Variants in MGAT5 observed in about 807,000 individuals in gnomAD.
MGAT5 encodes alpha-1,6-mannosylglycoprotein 6-beta-N-acetylglucosaminyltransferase.
Under a neutral mutation model 94.3 loss-of-function variants are expected in MGAT5, and 30 were observed. The observed-to-expected ratio is 0.32, with a 90% confidence interval of 0.24 to 0.43. The LOEUF is 0.43. Among genes scored for constraint, MGAT5 ranks in the 20% least tolerant of loss-of-function variants. MGAT5 has a pLI of 1.00. For synonymous variants in MGAT5, 310 were observed against 322.9 expected (o/e 0.96, Z 0.43); for missense variants, 691 against 905.5 (o/e 0.76, Z 3.04).
chr2:134,387,155 G>C (rs1045441273), intron 10 of MGAT5, among the ~76,000 whole-genome samples: 1 of 151,368 alleles, frequency 6.6e-6, no homozygotes. Flanking sequence ...CAGCTACTCG[G>C]GAGGCTGAGG....
At chr2:134,168,884 A>G (rs1688072169) in intron 1 of MGAT5, among the ~76,000 whole-genome samples, 1 of 152,210 alleles carries the variant, frequency 6.6e-6, no homozygotes, top group South Asian at 2.1e-4. Context: ...GACGTCGTCC[A>G]TAGGGAATAA....
At chr2:134,246,817 G>A (rs1343262193) in intron 1 of MGAT5, among the ~76,000 whole-genome samples, 1 of 152,178 alleles carries the variant, frequency 6.6e-6, no homozygotes, top group Non-Finnish European at 1.5e-5. Flanking sequence ...CTGGCCTCAG[G>A]GTCTTCCTCT....
chr2:134,381,899 A>G (rs902263025), intron 10 of MGAT5, among the ~76,000 whole-genome samples: 1 of 152,178 alleles, frequency 6.6e-6, no homozygotes, highest in Admixed American at 6.5e-5. Flanking sequence ...TAGGTTTTTT[A>G]TGGTAAAAAT....
At chr2:134,345,377 A>G (rs1331500978) in intron 8 of MGAT5, among the ~76,000 whole-genome samples, 1 of 152,192 alleles carries the variant, frequency 6.6e-6, no homozygotes, top group Admixed American at 6.6e-5. Flanking sequence ...AAATATGTAC[A>G]GTGTCATTTC....
At chr2:134,338,553 G>A (rs910219602) in intron 6 of MGAT5, 133 bp downstream of exon 6, 1 of 969,088 alleles carries the variant, frequency 1.0e-6, no homozygotes, top group Non-Finnish European at 1.5e-6. Context: ...TCAGTCTCTT[G>A]TACAGCTGTT....
chr2:134,413,079 C>T (rs1487096357), intron 12 of MGAT5, 64 bp downstream of exon 12: 3 of 1,551,132 alleles, frequency 1.9e-6, no homozygotes, highest in African/African-American at 1.4e-5. Context: ...ATTGAGTGCT[C>T]ATGTAGGTAT....
intron 1 of MGAT5, among the ~76,000 whole-genome samples, chr2:134,240,429 TCCCC>T (rs1419073017): frequency 6.6e-6 from 1 of 151,934 alleles, no homozygotes. Flanking sequence ...ATCTCTGATC[TCCCC>T]TTAAGACGGA....
At chr2:134,163,187 G>A (rs1276269930) in intron 1 of MGAT5, among the ~76,000 whole-genome samples, 1 of 152,122 alleles carries the variant, frequency 6.6e-6, no homozygotes, top group African/African-American at 2.4e-5. Flanking sequence ...GATGTATTGG[G>A]GACAGGGAAA....
chr2:134,248,315 C>CT (rs1233791717), intron 1 of MGAT5, among the ~76,000 whole-genome samples: 1 of 152,240 alleles, frequency 6.6e-6, no homozygotes, highest in Non-Finnish European at 1.5e-5. Flanking sequence ...GCCGGCATTT[C>CT]TTGTCTTTGG....
chr2:134,399,746 G>T (rs539480216), intron 10 of MGAT5, among the ~76,000 whole-genome samples: 1 of 152,130 alleles, frequency 6.6e-6, no homozygotes, highest in Non-Finnish European at 1.5e-5. Context: ...AAGTGATCTC[G>T]ATCCAGTTCT....
At chr2:134,446,804 G>A (rs1419860929) in intron 15 of MGAT5, among the ~76,000 whole-genome samples, 1 of 152,202 alleles carries the variant, frequency 6.6e-6, no homozygotes, top group Admixed American at 6.5e-5. Context: ...CAGTTCACAC[G>A]TGCAGGAGGC....
chr2:134,303,833 C>T (rs111357082), intron 2 of MGAT5, among the ~76,000 whole-genome samples: 1 of 152,134 alleles, frequency 6.6e-6, no homozygotes, highest in African/African-American at 2.4e-5. Context: ...TCTATGAAAC[C>T]TCAAGCCAGT....
chr2:134,150,687 T>C (rs952406308), intron 1 of MGAT5, among the ~76,000 whole-genome samples: 1 of 152,216 alleles, frequency 6.6e-6, no homozygotes, highest in Admixed American at 6.5e-5. Context: ...TACATAGGGT[T>C]AGAAACACCA....
intron 2 of MGAT5, among the ~76,000 whole-genome samples, chr2:134,300,686 C>G (rs1242259878): frequency 6.6e-6 from 1 of 152,024 alleles, no homozygotes; most frequent in Non-Finnish European, 1.5e-5. Context: ...ACTGCCAGCC[C>G]ACAATGAAAT....
chr2:134,317,873 G>A (rs1384013756), intron 3 of MGAT5, among the ~76,000 whole-genome samples: 1 of 152,164 alleles, frequency 6.6e-6, no homozygotes, highest in Non-Finnish European at 1.5e-5. Context: ...CTTTGAAGCT[G>A]ACTTCCCCTC....
chr2:134,422,931 T>C lies in MGAT5; in HGVS notation c.1794+12T>C. ...TTTTAAATCAGAAGGTTGGTTCATT[T>C]TATTCCACTTTCCCTCCTTTCTAAT... On this transcript the variant is annotated intron_variant, in intron 13 of 15. Transcript: ENST00000281923. 1 of 1,582,222 alleles carries C rather than the reference T, an allele frequency of 6.3e-7. No homozygotes were observed. Among genetic ancestry groups the C allele is most frequent in the Non-Finnish European group, 8.7e-7 (1 of 1,151,326 alleles).
intron 2 of MGAT5, among the ~76,000 whole-genome samples, chr2:134,306,895 T>C (rs1191616644): frequency 6.6e-6 from 1 of 152,096 alleles, no homozygotes; most frequent in Non-Finnish European, 1.5e-5. Context: ...TGAGGTTCAG[T>C]GTGGTCAAGG....
chr2:134,342,941 T>C (rs1482372391), intron 7 of MGAT5, among the ~76,000 whole-genome samples: 1 of 152,102 alleles, frequency 6.6e-6, no homozygotes, highest in Non-Finnish European at 1.5e-5. Context: ...AATTGAGGTG[T>C]ACGTGGATGC....
At chr2:134,151,361 C>T (rs1179403890) in intron 1 of MGAT5, among the ~76,000 whole-genome samples, 3 of 139,066 alleles carry the variant, frequency 2.2e-5, no homozygotes, top group Non-Finnish European at 4.6e-5. Context: ...TGGGACCTCA[C>T]TCACCCATGC....
Sources: gnomAD v4.1 joint callset for allele counts (sites outside exome capture counted in the v4.1 genomes callset) on GRCh38, gnomAD v4.1.1 for gene constraint, MANE v1.5 for transcripts, NCBI Gene and HGNC (gene_info 2026-07-23, HGNC 2026-07-21) for gene names.